The following HS6ST2 variants were observed in gnomAD, a reference collection of about 807,000 sequenced individuals.
HS6ST2 encodes heparan-sulfate 6-O-sulfotransferase 2.
HS6ST2 carries 17 observed loss-of-function variants against 33.0 expected under a neutral mutation model. The ratio of observed to expected loss-of-function variants is 0.52; its 90% confidence interval spans 0.35 to 0.77. The LOEUF (loss-of-function observed/expected upper bound fraction) is 0.77. Among genes scored for constraint, HS6ST2 ranks in the 30% least tolerant of loss-of-function variants. HS6ST2 has a pLI of 0.01. For synonymous variants in HS6ST2, 248 were observed against 237.1 expected (o/e 1.05, Z -0.42); for missense variants, 519 against 551.7 (o/e 0.94, Z 0.59).
chrX:132,787,198 TACAC>T (rs763535933), intron 2 of HS6ST2, among the ~76,000 whole-genome samples: 55 of 79,919 alleles, frequency 6.9e-4, no homozygotes, highest in African/African-American at 1.2e-3. Context: ...CATATATATA[TACAC>T]ATATATATAT....
intron 4 of HS6ST2, among the ~76,000 whole-genome samples, chrX:132,657,530 T>C (rs910539846): frequency 1.8e-5 from 2 of 110,241 alleles, no homozygotes; most frequent in African/African-American, 3.3e-5. Flanking sequence ...TTTACTTATA[T>C]GGAGATGCAT....
intron 2 of HS6ST2, among the ~76,000 whole-genome samples, chrX:132,865,624 T>A (rs1300773392): frequency 9.0e-6 from 1 of 111,278 alleles, no homozygotes; most frequent in Admixed American, 9.5e-5. Context: ...TTTCTCCACA[T>A]CCTCTCCAGC....
chrX:132,689,455 T>C (rs1375157620), intron 3 of HS6ST2, among the ~76,000 whole-genome samples: 1 of 111,684 alleles, frequency 9.0e-6, no homozygotes, highest in Non-Finnish European at 1.9e-5. Context: ...GGGGACCCCA[T>C]TGTTTGCTGC....
intron 2 of HS6ST2, among the ~76,000 whole-genome samples, chrX:132,904,724 C>T (rs1014769691): frequency 9.6e-6 from 1 of 104,392 alleles, no homozygotes; most frequent in East Asian, 3.0e-4. Context: ...ACAGAGATCT[C>T]GCTATGTGGC....
chrX:132,859,711 A>G (rs1466309889), intron 2 of HS6ST2, among the ~76,000 whole-genome samples: 2 of 90,685 alleles, frequency 2.2e-5, no homozygotes, highest in Non-Finnish European at 4.4e-5. Context: ...GAAGAAAAGA[A>G]GGCAGGAAGG....
In HS6ST2 at chrX:132,722,891, A is replaced by C. The variant is rs1203486969; in HGVS notation, c.948-14397T>G. ...ATGTTAAAAATAAAAAAACAAAAAAAAAAAAACAAAAAGCAAACAAAAAAA... is the reference window on the plus strand; with the variant it reads ...ATGTTAAAAATAAAAAAACAAAAAACAAAAAACAAAAAGCAAACAAAAAAA... On this transcript the variant is annotated intron_variant, in intron 2 of 4. Coordinates refer to ENST00000370833, the MANE Select transcript of HS6ST2 (RefSeq NM_001394073.1). 1.7e-4 allele frequency among the ~76,000 whole-genome samples: 19 copies of C among 110,018 alleles called. 1 individual carries two copies. Among genetic ancestry groups the C allele is most frequent in the African/African-American group, 6.2e-4 (19 of 30,573 alleles).
rs1048543538 is a variant in HS6ST2, at chrX:132,724,399, C to A, written c.948-15905G>T. ...TAAAAAAGAAATTTAAAAAGTAATC[C>A]CATTTACAATAGCCACAAATATAAT... On this transcript the variant is annotated intron_variant, in intron 2 of 4. Coordinates refer to ENST00000370833, the MANE Select transcript of HS6ST2 (RefSeq NM_001394073.1). Among the ~76,000 whole-genome samples the A allele has an allele frequency of 1.3e-4, 15 of 111,330 alleles. No homozygotes were observed. In the Admixed American group the frequency reaches 1.4e-3, roughly 11 times the overall value.
intron 2 of HS6ST2, among the ~76,000 whole-genome samples, chrX:132,939,688 T>A (rs2066867343): frequency 9.0e-6 from 1 of 111,580 alleles, no homozygotes; most frequent in South Asian, 3.7e-4. Context: ...ATGAAAAAAA[T>A]TCAATTTACA....
At chrX:132,712,387 T>C (rs2064239467) in intron 2 of HS6ST2, among the ~76,000 whole-genome samples, 3 of 112,090 alleles carry the variant, frequency 2.7e-5, no homozygotes. Flanking sequence ...TGTTAATACA[T>C]GCTAAATTTT....
intron 2 of HS6ST2, among the ~76,000 whole-genome samples, chrX:132,823,856 T>A (rs184088918): frequency 0.028 from 2,757 of 98,410 alleles, 83 homozygotes; most frequent in African/African-American, 0.1. Context: ...TCATAAAAAA[T>A]AATAATAATA....
Position 132,720,639 on chromosome X carries a change from A to T in HS6ST2, c.948-12145T>A, listed in dbSNP as rs763210341. On this transcript the variant is annotated intron_variant, in intron 2 of 4. Transcript: ENST00000370833. ...AGACATAGAGTGGCTGAGTTTATTT[A>T]AAAAAAAAATGACCCAATGATTTGT... Among the ~76,000 whole-genome samples, 70 of 107,356 alleles carry T rather than the reference A, an allele frequency of 6.5e-4. No homozygotes were observed. In the Middle Eastern group the frequency reaches 0.024, roughly 36 times the overall value. The allele number at this position is 107,356 out of a possible 115,157, so 93.2% of individuals were successfully genotyped here.
At chrX:132,944,817 C>G (rs1276655714) in intron 2 of HS6ST2, among the ~76,000 whole-genome samples, 2 of 110,413 alleles carry the variant, frequency 1.8e-5, no homozygotes, top group African/African-American at 6.6e-5. Context: ...AAAGCTGAAA[C>G]TGGATCCCTT....
At chrX:132,928,645 T>C (rs1419175237) in intron 2 of HS6ST2, among the ~76,000 whole-genome samples, 1 of 111,211 alleles carries the variant, frequency 9.0e-6, no homozygotes, top group Admixed American at 9.5e-5. Flanking sequence ...GAGCCTACCC[T>C]AATTTGAGTA....
chrX:132,871,329 G>T (rs1296105188), intron 2 of HS6ST2, among the ~76,000 whole-genome samples: 2 of 112,277 alleles, frequency 1.8e-5, no homozygotes, highest in Admixed American at 1.9e-4. Flanking sequence ...TGCACTGTTG[G>T]TGGGAGTGTA....
At chrX:132,834,623 T>C in intron 2 of HS6ST2, among the ~76,000 whole-genome samples, 1 of 112,362 alleles carries the variant, frequency 8.9e-6, no homozygotes. Context: ...GAAAAAGATA[T>C]AATTTTCTTC....
chrX:132,673,008 G>A (rs942999114), intron 3 of HS6ST2, among the ~76,000 whole-genome samples: 2 of 111,508 alleles, frequency 1.8e-5, no homozygotes, highest in African/African-American at 3.3e-5. Context: ...AGCTCTTTTC[G>A]GAATTAATTC....
chrX:132,766,440 C>T lies in HS6ST2; in HGVS notation c.948-57946G>A, dbSNP rs189292127. On this transcript the variant is annotated intron_variant, in intron 2 of 4. Transcript: ENST00000370833. ...ATAGAAAGGAAGGTGAATCAGTATG[C>T]GAAGGCAATGGCTCTGGAGGACAAT... 5.4e-5 allele frequency among the ~76,000 whole-genome samples: 6 copies of T among 111,810 alleles called. No homozygotes were observed. In the East Asian group the frequency reaches 1.4e-3, roughly 26 times the overall value.
In HS6ST2 at chrX:132,748,147, C is replaced by A. The variant is rs187509140; in HGVS notation, c.948-39653G>T. Among the ~76,000 whole-genome samples, 295 of 111,347 alleles carry A rather than the reference C, an allele frequency of 2.6e-3. 1 individual carries two copies. Among genetic ancestry groups the A allele is most frequent in the African/African-American group, 9.1e-3 (278 of 30,634 alleles). ...AATAATACCATTAGAGGGGAACTACCCTTCAACATACCTAAGCTGCAATTC... is the reference window on the plus strand; with the variant it reads ...AATAATACCATTAGAGGGGAACTACACTTCAACATACCTAAGCTGCAATTC... On this transcript the variant is annotated intron_variant, in intron 2 of 4. Transcript: ENST00000370833.
At chrX:132,785,856 C>T (rs1377564849) in intron 2 of HS6ST2, among the ~76,000 whole-genome samples, 1 of 111,575 alleles carries the variant, frequency 9.0e-6, no homozygotes, top group Non-Finnish European at 1.9e-5. Flanking sequence ...GGAGCACCGT[C>T]GAGTTCTGGT....
Sources: gnomAD v4.1 joint callset for allele counts (sites outside exome capture counted in the v4.1 genomes callset) on GRCh38, gnomAD v4.1.1 for gene constraint, MANE v1.5 for transcripts, NCBI Gene and HGNC (gene_info 2026-07-23, HGNC 2026-07-21) for gene names.